The following NRP1 variants were observed in gnomAD, a reference collection of about 807,000 sequenced individuals.
The protein encoded by NRP1 is neuropilin-1.
In NRP1, 35 loss-of-function variants were observed where a neutral mutation model predicts 106.7. That is an observed-to-expected ratio of 0.33 (90% CI 0.25 to 0.43). The LOEUF is 0.43. Among genes scored for constraint, NRP1 ranks in the 20% least tolerant of loss-of-function variants. NRP1 has a pLI of 1.00. For missense variants in NRP1, 1,024 were observed against 1,170.4 expected (o/e 0.87, Z 1.83); for synonymous variants, 437 against 417.9 (o/e 1.05, Z -0.56).
intron 6 of NRP1, among the ~76,000 whole-genome samples, chr10:33,238,364 A>T (rs1840745444): frequency 6.6e-6 from 1 of 152,246 alleles, no homozygotes; most frequent in South Asian, 2.1e-4. Flanking sequence ...GAAGTTCATG[A>T]GTTCAGAGCA....
intron 2 of NRP1, among the ~76,000 whole-genome samples, chr10:33,273,718 G>A (rs1843478089): frequency 6.6e-6 from 1 of 152,172 alleles, no homozygotes; most frequent in African/African-American, 2.4e-5. Flanking sequence ...GATGAGAGCT[G>A]GGAATTACGT....
intron 15 of NRP1, among the ~76,000 whole-genome samples, chr10:33,185,049 T>C (rs1835912369): frequency 6.6e-6 from 1 of 152,222 alleles, no homozygotes; most frequent in African/African-American, 2.4e-5. Flanking sequence ...ATGTCTTACA[T>C]CCACCTAGTA....
chr10:33,281,570 C>G (rs1461768208), intron 2 of NRP1, among the ~76,000 whole-genome samples: 3 of 152,132 alleles, frequency 2.0e-5, no homozygotes, highest in Admixed American at 2.0e-4. Context: ...GTGACATCTA[C>G]CTGACATCTG....
intron 2 of NRP1, among the ~76,000 whole-genome samples, chr10:33,311,490 A>G (rs1392338159): frequency 6.6e-6 from 1 of 152,204 alleles, no homozygotes; most frequent in African/African-American, 2.4e-5. Context: ...AATAAATATC[A>G]CAAGGGCAGA....
chr10:33,208,361 C>G (rs1249486499), intron 9 of NRP1, among the ~76,000 whole-genome samples: 1 of 152,174 alleles, frequency 6.6e-6, no homozygotes, highest in Non-Finnish European at 1.5e-5. Context: ...CATGAGTTGG[C>G]ACCTCTTTTG....
intron 3 of NRP1, among the ~76,000 whole-genome samples, chr10:33,267,598 C>G (rs1843008596): frequency 6.6e-6 from 1 of 152,140 alleles, no homozygotes; most frequent in African/African-American, 2.4e-5. Context: ...CCCCGTCCCC[C>G]GTCCCCCTTG....
chr10:33,334,195 C>G lies in NRP1; in HGVS notation c.73+115G>C. 4.4e-6 allele frequency: 4 copies of G among 906,076 alleles called. No individual in the cohort carries two copies. In the East Asian group the frequency reaches 1.1e-4, roughly 24 times the overall value. The allele number at this position is 906,076 out of a possible 1,614,324, so 56.1% of individuals were successfully genotyped here. On this transcript the variant is annotated intron_variant, in intron 1 of 16. Transcript: ENST00000374867. ...TCCTCCCAGATAAAAGTTTCCTTCG[C>G]CCGGGAGTCGGTTGTTCCCGGCTGA...
intron 12 of NRP1, 25 bp downstream of exon 12, chr10:33,197,625 T>C (rs1321904190): frequency 5.7e-6 from 9 of 1,581,916 alleles, no homozygotes; most frequent in Non-Finnish European, 6.9e-6. Context: ...ATGGAATCTG[T>C]CACATTTCGT....
At chr10:33,288,160 T>C (rs1588926165) in intron 2 of NRP1, 1 of 152,194 alleles carries the variant, frequency 6.6e-6, no homozygotes, top group Non-Finnish European at 1.5e-5. Context: ...GTCAAATGTA[T>C]GTCCAGGTAT....
intron 6 of NRP1, among the ~76,000 whole-genome samples, chr10:33,245,508 A>G (rs1463313637): frequency 6.6e-6 from 1 of 152,198 alleles, no homozygotes; most frequent in Non-Finnish European, 1.5e-5. Context: ...TGATTGTTCA[A>G]TTTCATAGGC....
chr10:33,307,983 A>G (rs985577815), intron 2 of NRP1, among the ~76,000 whole-genome samples: 2 of 152,198 alleles, frequency 1.3e-5, no homozygotes, highest in Non-Finnish European at 2.9e-5. Flanking sequence ...CATCAATGGC[A>G]GACTGAATAA....
intron 6 of NRP1, among the ~76,000 whole-genome samples, chr10:33,252,276 C>T (rs565515700): frequency 6.6e-6 from 1 of 152,284 alleles, no homozygotes; most frequent in East Asian, 1.9e-4. Flanking sequence ...CACGCATTCT[C>T]CAAGACCACG....
intron 2 of NRP1, among the ~76,000 whole-genome samples, chr10:33,327,996 A>G (rs1291968736): frequency 6.6e-6 from 1 of 152,146 alleles, no homozygotes; most frequent in Non-Finnish European, 1.5e-5. Flanking sequence ...TTTGGCCAGG[A>G]GATGACACCT....
intron 15 of NRP1, 62 bp downstream of exon 15, chr10:33,185,566 T>G (rs1367291912): frequency 2.4e-6 from 3 of 1,251,990 alleles, no homozygotes; most frequent in African/African-American, 1.5e-5. Flanking sequence ...AAGACCATCA[T>G]ATTGGCAAGA....
intron 2 of NRP1, among the ~76,000 whole-genome samples, chr10:33,293,546 C>G (rs1338970129): frequency 6.6e-6 from 1 of 152,178 alleles, no homozygotes; most frequent in Non-Finnish European, 1.5e-5. Flanking sequence ...ACAGAGCCCC[C>G]CGTAAGTTAT....
chr10:33,239,221 G>A (rs1249455662), intron 6 of NRP1, among the ~76,000 whole-genome samples: 1 of 151,750 alleles, frequency 6.6e-6, no homozygotes, highest in Non-Finnish European at 1.5e-5. Context: ...CCAGGAGGTC[G>A]ATGCTGCAGT....
At chr10:33,192,473 C>A in intron 12 of NRP1, 55 bp from the exon 13 acceptor site, 1 of 1,587,658 alleles carries the variant, frequency 6.3e-7, no homozygotes. Flanking sequence ...CAAATTTGAT[C>A]ATTTAGGGTC....
intron 13 of NRP1, among the ~76,000 whole-genome samples, chr10:33,187,641 T>C (rs1836101890): frequency 6.6e-6 from 1 of 152,264 alleles, no homozygotes; most frequent in South Asian, 2.1e-4. Context: ...CACCACCTGG[T>C]CAACACAGCT....
chr10:33,265,917 A>G (rs942959018), intron 3 of NRP1, among the ~76,000 whole-genome samples: 12 of 152,176 alleles, frequency 7.9e-5, no homozygotes, highest in African/African-American at 2.7e-4. Flanking sequence ...AATTTGAGTC[A>G]TTTATCCACA....
Sources: allele counts gnomAD v4.1 joint callset (sites outside exome capture counted in the v4.1 genomes callset), GRCh38; gene constraint gnomAD v4.1.1; transcripts MANE v1.5; gene names NCBI Gene and HGNC (gene_info 2026-07-23, HGNC 2026-07-21).